The following FRMPD4 variants were observed in gnomAD, a reference collection of about 807,000 sequenced individuals.
The protein encoded by FRMPD4 is FERM and PDZ domain-containing protein 4.
A neutral mutation model predicts 94.1 loss-of-function variants in FRMPD4; 22 were observed. That is an observed-to-expected ratio of 0.23 (90% confidence interval 0.17 to 0.33). FRMPD4 has a LOEUF of 0.33. FRMPD4 is among the 10% of genes least tolerant of loss of function. The pLI is 1.00. For synonymous variants in FRMPD4, 631 were observed against 548.6 expected (o/e 1.15, Z -2.10); for missense variants, 1,111 against 1,339.9 (o/e 0.83, Z 2.67).
At chrX:12,547,883 ACT>A (rs1174904738) in intron 2 of FRMPD4, among the ~76,000 whole-genome samples, 2 of 111,966 alleles carry the variant, frequency 1.8e-5, no homozygotes, top group African/African-American at 6.5e-5. Flanking sequence ...TTGGTGAAAG[ACT>A]CTAAGATCGG....
At chrX:11,908,284 A>T (rs2053978813) in intron 3 of FRMPD4, among the ~76,000 whole-genome samples, 1 of 111,967 alleles carries the variant, frequency 8.9e-6, no homozygotes, top group African/African-American at 3.2e-5. Context: ...GAGATTGTGA[A>T]GAGCTTGGAT....
chrX:12,421,057 G>A (rs10127420), intron 1 of FRMPD4, among the ~76,000 whole-genome samples: 4,275 of 111,325 alleles, frequency 0.038, 220 homozygotes, highest in African/African-American at 0.13. Flanking sequence ...TCGAAGACAT[G>A]GATATAATTT....
At chrX:12,215,385 ACTT>A (rs1312461116) in intron 1 of FRMPD4, among the ~76,000 whole-genome samples, 35 of 110,256 alleles carry the variant, frequency 3.2e-4, no homozygotes, top group African/African-American at 1.1e-3. Flanking sequence ...ACACACCCCA[ACTT>A]CTTCTTCTTA....
chrX:12,338,077 T>A (rs933667268), intron 1 of FRMPD4, among the ~76,000 whole-genome samples: 6 of 111,653 alleles, frequency 5.4e-5, no homozygotes, highest in Admixed American at 9.4e-5. Context: ...CATGGTGGAG[T>A]ATGAAGGGGA....
chrX:12,296,968 A>G (rs947231489), intron 1 of FRMPD4, among the ~76,000 whole-genome samples: 1 of 112,395 alleles, frequency 8.9e-6, no homozygotes, highest in Non-Finnish European at 1.9e-5. Flanking sequence ...GTCCCTCCCC[A>G]TGTTGGCTGT....
intron 1 of FRMPD4, among the ~76,000 whole-genome samples, chrX:12,380,492 G>T (rs1306821304): frequency 8.9e-6 from 1 of 111,992 alleles, no homozygotes. Context: ...AATAAGCTGG[G>T]CCTTTGTTCC....
At position 12,115,604 on chromosome X, in the gene FRMPD4, ACT is replaced by A. The variant is rs766866028; in HGVS notation, c.95+237589_95+237590del. ...GCTCTTGTCCACACTGCATGTCCTA[ACT>A]CTGAGTATCCCCCAATGCTGGCCTC... On this transcript the variant is annotated intron_variant, in intron 3 of 18. Coordinates refer to the FRMPD4 transcript ENST00000640291. 2.1e-4 allele frequency among the ~76,000 whole-genome samples: 21 copies of A among 99,294 alleles called. 1 individual carries two copies. In the South Asian group the frequency reaches 8.3e-3, roughly 39 times the overall value. 86.2% of individuals were successfully genotyped at this position (99,294 alleles called of 115,157 possible). A position where few individuals can be genotyped will look rare whatever the true frequency, so the allele number is the denominator to read the frequency against.
intron 2 of FRMPD4, among the ~76,000 whole-genome samples, chrX:12,578,471 C>G (rs1193762925): frequency 9.0e-6 from 1 of 111,273 alleles, no homozygotes; most frequent in Non-Finnish European, 1.9e-5. Context: ...ACACGAAACC[C>G]CAAATGGATG....
At chrX:12,169,349 T>C (rs753565358) in intron 1 of FRMPD4, among the ~76,000 whole-genome samples, 5 of 112,228 alleles carry the variant, frequency 4.5e-5, no homozygotes, top group Non-Finnish European at 9.4e-5. Flanking sequence ...ATCATTGTCA[T>C]TGGGATATAT....
chrX:11,910,178 A>G (rs1453902066), intron 3 of FRMPD4, among the ~76,000 whole-genome samples: 1 of 111,633 alleles, frequency 9.0e-6, no homozygotes, highest in Admixed American at 9.5e-5. Context: ...AGACTTCTCC[A>G]CTCACTAGCC....
intron 3 of FRMPD4, among the ~76,000 whole-genome samples, chrX:12,113,882 G>A (rs1420391039): frequency 2.7e-5 from 3 of 111,496 alleles, no homozygotes; most frequent in African/African-American, 9.8e-5. Flanking sequence ...AGATATTGGG[G>A]CAATTTAAAC....
intron 3 of FRMPD4, among the ~76,000 whole-genome samples, chrX:12,012,337 T>C (rs1267574521): frequency 8.9e-6 from 1 of 112,265 alleles, no homozygotes; most frequent in Non-Finnish European, 1.9e-5. Flanking sequence ...CTTTCACCAT[T>C]AAGTATGAAG....
intron 3 of FRMPD4, among the ~76,000 whole-genome samples, chrX:11,978,471 C>G (rs1403865903): frequency 9.1e-6 from 1 of 109,958 alleles, no homozygotes; most frequent in African/African-American, 3.3e-5. Flanking sequence ...ATTGAAATAT[C>G]TAGGGCATTT....
chrX:12,343,335 C>T (rs1296333110), intron 1 of FRMPD4, among the ~76,000 whole-genome samples: 1 of 111,763 alleles, frequency 8.9e-6, no homozygotes, highest in African/African-American at 3.2e-5. Flanking sequence ...TGCAGCAGAG[C>T]CCGGGTGAAT....
intron 3 of FRMPD4, among the ~76,000 whole-genome samples, chrX:11,907,116 AAT>A (rs2053972082): frequency 9.0e-6 from 1 of 111,104 alleles, no homozygotes; most frequent in Admixed American, 9.6e-5. Flanking sequence ...TCTAATAATT[AAT>A]GTTTATATTG....
intron 1 of FRMPD4, among the ~76,000 whole-genome samples, chrX:12,295,208 G>A (rs1247878434): frequency 1.8e-5 from 2 of 112,383 alleles, no homozygotes; most frequent in African/African-American, 6.5e-5. Context: ...CTGTATCCCT[G>A]CAGAGAATCT....
chrX:12,492,511 T>C (rs903072910), intron 1 of FRMPD4, among the ~76,000 whole-genome samples: 1 of 112,564 alleles, frequency 8.9e-6, no homozygotes, highest in African/African-American at 3.2e-5. Flanking sequence ...AACTCTTGAT[T>C]AATAATACAT....
chrX:12,004,475 T>C (rs1433542763), intron 3 of FRMPD4, among the ~76,000 whole-genome samples: 1 of 111,731 alleles, frequency 9.0e-6, no homozygotes, highest in Admixed American at 9.5e-5. Context: ...AAGCCTGGCC[T>C]GGCTCAACTC....
At chrX:12,188,294 G>C (rs2056448224) in intron 1 of FRMPD4, among the ~76,000 whole-genome samples, 1 of 112,028 alleles carries the variant, frequency 8.9e-6, no homozygotes, top group Non-Finnish European at 1.9e-5. Context: ...CTACACCTTG[G>C]ATGGTGTATT....
Sources: allele counts gnomAD v4.1 joint callset (sites outside exome capture counted in the v4.1 genomes callset), GRCh38; gene constraint gnomAD v4.1.1; transcripts MANE v1.5; gene names NCBI Gene and HGNC (gene_info 2026-07-23, HGNC 2026-07-21).